SPACA7: variants seen among roughly 807,000 people sequenced by gnomAD.
SPACA7 encodes sperm acrosome-associated protein 7.
A neutral mutation model predicts 26.3 loss-of-function variants in SPACA7; 19 were observed. The ratio of observed to expected loss-of-function variants is 0.72; its 90% CI spans 0.50 to 1.06. SPACA7 has a LOEUF of 1.06. SPACA7 is among the 50% of genes least tolerant of loss of function. The pLI, the probability that SPACA7 is intolerant of heterozygous loss-of-function variation, is 0.00. For missense variants in SPACA7, 211 were observed against 229.9 expected (o/e 0.92, Z 0.53); for synonymous variants, 84 against 84.5 (o/e 0.99, Z 0.04).
intron 1 of SPACA7, 140 bp from the exon 2 acceptor site, chr13:112,392,881 G>T (rs1467291520): frequency 1.4e-4 from 79 of 583,782 alleles, no homozygotes; most frequent in Non-Finnish European, 2.1e-5. Flanking sequence ...CTCATCACCC[G>T]CAGGAGAGAC....
At chr13:112,404,011 T>C (rs1885814847) in intron 5 of SPACA7, among the ~76,000 whole-genome samples, 1 of 152,234 alleles carries the variant, frequency 6.6e-6, no homozygotes, top group African/African-American at 2.4e-5. Context: ...CTGTTTTCCA[T>C]AGTGGTTGTA....
At chr13:112,395,917 C>CG in intron 2 of SPACA7, among the ~76,000 whole-genome samples, 1 of 152,136 alleles carries the variant, frequency 6.6e-6, no homozygotes, top group Non-Finnish European at 1.5e-5. Context: ...CTACCTAAAG[C>CG]GTTTTTCTAG....
At chr13:112,410,004 G>A (rs1338989349) in intron 5 of SPACA7, among the ~76,000 whole-genome samples, 1 of 152,072 alleles carries the variant, frequency 6.6e-6, no homozygotes, top group Non-Finnish European at 1.5e-5. Context: ...AAGAAAATGT[G>A]GCACATATAC....
At chr13:112,399,723 A>G (rs1885514859) in intron 4 of SPACA7, among the ~76,000 whole-genome samples, 1 of 152,244 alleles carries the variant, frequency 6.6e-6, no homozygotes, top group South Asian at 2.1e-4. Flanking sequence ...ATACCCAGGT[A>G]TATGAGTCCA....
chr13:112,423,857 A>G (rs1876254032), intron 5 of SPACA7, among the ~76,000 whole-genome samples: 1 of 152,250 alleles, frequency 6.6e-6, no homozygotes. Flanking sequence ...GTAAACGGTT[A>G]TTTCCACAGA....
At chr13:112,424,647 C>A (rs1200508879) in intron 5 of SPACA7, among the ~76,000 whole-genome samples, 2 of 152,178 alleles carry the variant, frequency 1.3e-5, no homozygotes, top group Non-Finnish European at 2.9e-5. Flanking sequence ...CCAATTATTG[C>A]TTTGCTTCCT....
chr13:112,420,993 A>G (rs968514078), intron 5 of SPACA7, among the ~76,000 whole-genome samples: 9 of 152,204 alleles, frequency 5.9e-5, no homozygotes, highest in Non-Finnish European at 1.2e-4. Flanking sequence ...TCTTTTACAT[A>G]TGAAGACAAA....
intron 1 of SPACA7, among the ~76,000 whole-genome samples, chr13:112,386,199 G>A (rs1006715361): frequency 6.6e-6 from 1 of 152,212 alleles, no homozygotes; most frequent in Non-Finnish European, 1.5e-5. Flanking sequence ...CTGTCAGTGG[G>A]GGTGGGGATG....
At chr13:112,434,212 C>T (rs544759429) in intron 6 of SPACA7, among the ~76,000 whole-genome samples, 26 of 152,302 alleles carry the variant, frequency 1.7e-4, no homozygotes, top group South Asian at 1.0e-3. Flanking sequence ...AGTCCAGCTC[C>T]GCCAGGCTTG....
chr13:112,378,218 G>C (rs899525352), intron 1 of SPACA7, among the ~76,000 whole-genome samples: 3 of 152,254 alleles, frequency 2.0e-5, no homozygotes, highest in East Asian at 3.9e-4. Flanking sequence ...ACTCTAAAAG[G>C]CTTCAGGATC....
At position 112,376,489 on chromosome 13, in the gene SPACA7, C is replaced by T. The variant is rs761762683; in HGVS notation, c.94+10C>T. 69 of 1,610,252 alleles carry T rather than the reference C, an allele frequency of 4.3e-5. No individual in the cohort carries two copies. In the South Asian group the frequency reaches 7.5e-4, roughly 18 times the overall value. ...AGAACCGTGATTCCAGGTAGGGCCC[C>T]ACAGGGATGTCTCAGCAGAAAGAGA... On this transcript the variant is annotated intron_variant, in intron 1 of 6. Transcript: ENST00000283550.
At chr13:112,393,151 A>G in intron 2 of SPACA7, 74 bp downstream of exon 2, 1 of 1,286,076 alleles carries the variant, frequency 7.8e-7, no homozygotes. Flanking sequence ...GCTGTTTCCC[A>G]GATAACCTGG....
chr13:112,418,284 C>T (rs1271323555), intron 5 of SPACA7, among the ~76,000 whole-genome samples: 3 of 152,168 alleles, frequency 2.0e-5, no homozygotes, highest in East Asian at 1.9e-4. Context: ...GCAGAACAAT[C>T]CTCAACTGTA....
intron 5 of SPACA7, among the ~76,000 whole-genome samples, chr13:112,415,070 G>A (rs1343735764): frequency 6.6e-6 from 1 of 152,182 alleles, no homozygotes; most frequent in Non-Finnish European, 1.5e-5. Context: ...CAAATCTCTT[G>A]CAACCTCCTA....
intron 1 of SPACA7, among the ~76,000 whole-genome samples, chr13:112,384,879 C>T (rs1466125539): frequency 2.0e-5 from 3 of 152,046 alleles, no homozygotes; most frequent in Non-Finnish European, 4.4e-5. Flanking sequence ...AACCAAATTT[C>T]ATGTATGTAT....
At chr13:112,415,176 G>A (rs535332732) in intron 5 of SPACA7, among the ~76,000 whole-genome samples, 24 of 152,258 alleles carry the variant, frequency 1.6e-4, no homozygotes, top group Admixed American at 3.3e-4. Context: ...CATAGCAGAC[G>A]GAATCTCTCT....
chr13:112,422,584 C>T (rs993542591), intron 5 of SPACA7, among the ~76,000 whole-genome samples: 7 of 152,248 alleles, frequency 4.6e-5, no homozygotes, highest in African/African-American at 1.4e-4. Flanking sequence ...TAAAATCATG[C>T]AAAGCATGTT....
intron 5 of SPACA7, among the ~76,000 whole-genome samples, chr13:112,405,476 AT>A (rs1265385494): frequency 2.6e-5 from 4 of 152,020 alleles, no homozygotes; most frequent in African/African-American, 9.7e-5. Flanking sequence ...GTAACAGGGC[AT>A]TTTGTCTTTG....
intron 1 of SPACA7, among the ~76,000 whole-genome samples, chr13:112,381,278 C>A (rs1884040191): frequency 6.6e-6 from 1 of 151,862 alleles, no homozygotes; most frequent in African/African-American, 2.4e-5. Flanking sequence ...TCACTTGAGC[C>A]CAGGAATTTA....
Sources: allele counts gnomAD v4.1 joint callset (sites outside exome capture counted in the v4.1 genomes callset), GRCh38; gene constraint gnomAD v4.1.1; transcripts MANE v1.5; gene names NCBI Gene and HGNC (gene_info 2026-07-23, HGNC 2026-07-21).